BRWD3: variants seen among roughly 807,000 people sequenced by gnomAD.
The protein encoded by BRWD3 is bromodomain and WD repeat domain containing 3, also known as bromodomain and WD repeat-containing protein 3.
In BRWD3, 10 loss-of-function variants were observed where a neutral mutation model predicts 149.7. The ratio of observed to expected loss-of-function variants is 0.07; its 90% CI spans 0.04 to 0.11. The LOEUF (loss-of-function observed/expected upper bound fraction) is 0.11. BRWD3 is among the 10% of genes least tolerant of loss of function. BRWD3 has a pLI of 1.00. For missense variants in BRWD3, 940 were observed against 1,373.2 expected, an observed-to-expected ratio of 0.68 and a Z score of 4.99; for synonymous variants, 504 against 456.7, an observed-to-expected ratio of 1.10 and a Z score of -1.32.
rs2072357536 is a variant in BRWD3, at chrX:80,675,664, G to GT, written c.*944dup. 9.0e-6 allele frequency: 1 copy of GT among 111,616 alleles called. No individual in the cohort carries two copies. Among genetic ancestry groups the GT allele is most frequent in the Non-Finnish European group, 1.9e-5 (1 of 53,057 alleles). The allele number at this position is 111,616 out of a possible 1,213,427, so 9.2% of individuals were successfully genotyped here. On this transcript the variant is annotated 3_prime_UTR_variant, in exon 41 of 41. Transcript: ENST00000373275. ...AATAACAGCATCTATTTTCCTTAAT[G>GT]TTTCCAGTAGTTGTAGTTAAGAGGT...
chrX:80,728,095 C>G (rs1602361744), intron 14 of BRWD3, among the ~76,000 whole-genome samples: 2 of 111,937 alleles, frequency 1.8e-5, no homozygotes. Context: ...ATTCTTATCA[C>G]TTACTATCGT....
chrX:80,757,422 C>T (rs1242893772), intron 6 of BRWD3, among the ~76,000 whole-genome samples: 2 of 112,240 alleles, frequency 1.8e-5, no homozygotes, highest in Non-Finnish European at 3.8e-5. Context: ...GCTGAGATTA[C>T]AGTCAGTTTC....
chrX:80,689,154 T>G (rs2072576830), intron 33 of BRWD3, among the ~76,000 whole-genome samples: 1 of 111,359 alleles, frequency 9.0e-6, no homozygotes, highest in African/African-American at 3.3e-5. Context: ...AATTATCACT[T>G]TCCAATATTG....
chrX:80,743,188 G>A (rs897747369), intron 8 of BRWD3, among the ~76,000 whole-genome samples: 3 of 111,551 alleles, frequency 2.7e-5, no homozygotes, highest in East Asian at 2.8e-4. Context: ...GTTTATATGC[G>A]GGATTATGTT....
At chrX:80,692,858 C>T (rs1204441479) in intron 28 of BRWD3, 82 bp downstream of exon 28, 1 of 740,879 alleles carries the variant, frequency 1.3e-6, no homozygotes, top group African/African-American at 2.1e-5. Context: ...GATAAAAGGG[C>T]ATTACTCCTG....
At chrX:80,693,350 G>T (rs2072637647) in intron 27 of BRWD3, among the ~76,000 whole-genome samples, 2 of 111,642 alleles carry the variant, frequency 1.8e-5, no homozygotes, top group African/African-American at 6.5e-5. Flanking sequence ...ACTTCTTATT[G>T]TATTACATAT....
intron 7 of BRWD3, 102 bp downstream of exon 7, chrX:80,745,466 CA>C: frequency 5.0e-6 from 4 of 801,598 alleles, no homozygotes; most frequent in Non-Finnish European, 7.2e-6. Context: ...CCCATATATC[CA>C]AAAAAAGTGA....
rs149370074 is a variant in BRWD3 at position 80,686,993 on chromosome X, C to T, written c.3875G>A (p.Arg1292Gln). 167 of 1,206,144 alleles carry T rather than the reference C, an allele frequency of 1.4e-4. No individual in the cohort carries two copies. The highest frequency in any genetic ancestry group is 1.8e-4 in the Non-Finnish European group (161 of 893,138). ...GTSSGRKVKC[R>Q]GRRQSLKCNP... ...ACACTTTAAAGACTGTCTTCTGCCTCGGCATTTGACCTACAGATTTTAATA... is the reference window on the plus strand; with the variant it reads ...ACACTTTAAAGACTGTCTTCTGCCTTGGCATTTGACCTACAGATTTTAATA... The change falls in exon 35 of 41, where the codon CGA becomes CAA. Residue 1292 changes from arginine to glutamine, a missense_variant. Around this residue, in one of 6 missense-constraint regions of BRWD3, gnomAD observed 349 missense variants for 419.6 expected, o/e 0.83. Coordinates refer to ENST00000373275, the MANE Select transcript of BRWD3 (RefSeq NM_153252.5).
intron 6 of BRWD3, among the ~76,000 whole-genome samples, chrX:80,749,572 G>A (rs2073638766): frequency 9.0e-6 from 1 of 111,039 alleles, no homozygotes; most frequent in African/African-American, 3.3e-5. Context: ...GTCTATGGGT[G>A]TCCTTAGAGA....
intron 8 of BRWD3, among the ~76,000 whole-genome samples, chrX:80,742,391 T>C (rs1343022505): frequency 1.2e-5 from 1 of 80,045 alleles, no homozygotes; most frequent in African/African-American, 6.5e-5. Flanking sequence ...CTTGGCAATG[T>C]GGGCTCTTTT....
chrX:80,703,853 C>T (rs778719840), intron 23 of BRWD3, among the ~76,000 whole-genome samples: 3 of 111,720 alleles, frequency 2.7e-5, no homozygotes, highest in Non-Finnish European at 3.8e-5. Context: ...CTTTTACATA[C>T]GTCCCTTGAC....
At chrX:80,738,817 A>C (rs1340189316) in intron 8 of BRWD3, among the ~76,000 whole-genome samples, 1 of 111,872 alleles carries the variant, frequency 8.9e-6, no homozygotes, top group Admixed American at 9.5e-5. Context: ...TAGAATGTTC[A>C]AGAAAAGCAA....
At chrX:80,705,648 A>G (rs1040072193) in intron 22 of BRWD3, among the ~76,000 whole-genome samples, 14 of 112,123 alleles carry the variant, frequency 1.2e-4, no homozygotes, top group African/African-American at 3.9e-4. Flanking sequence ...CTATATAGGT[A>G]GAACCTAATG....
Position 80,808,993 on chromosome X carries a change from T to C in BRWD3, c.120+20A>G. ...AGTCTCACCTCAACCCTCCCCACCCTTCCCGAAGGGGCTCCGTACCTGATG... is the reference window on the plus strand; with the variant it reads ...AGTCTCACCTCAACCCTCCCCACCCCTCCCGAAGGGGCTCCGTACCTGATG... On this transcript the variant is annotated intron_variant, in intron 3 of 40. Transcript: ENST00000373275. 8.4e-7 allele frequency: 1 copy of C among 1,193,208 alleles called. No individual in the cohort carries two copies. Among genetic ancestry groups the C allele is most frequent in the Non-Finnish European group, 1.1e-6 (1 of 885,302 alleles).
At chrX:80,726,672 G>A (rs2073253758) in intron 14 of BRWD3, among the ~76,000 whole-genome samples, 1 of 110,043 alleles carries the variant, frequency 9.1e-6, no homozygotes, top group Admixed American at 9.8e-5. Flanking sequence ...AAAAAAAATA[G>A]AATAGAGTAT....
intron 6 of BRWD3, among the ~76,000 whole-genome samples, chrX:80,756,379 G>A (rs1188699364): frequency 1.9e-5 from 2 of 107,640 alleles, no homozygotes; most frequent in Non-Finnish European, 3.8e-5. Flanking sequence ...GTGCATGCCT[G>A]TAATCCCAGC....
chrX:80,795,842 G>T (rs757738555), intron 4 of BRWD3, among the ~76,000 whole-genome samples: 2 of 110,975 alleles, frequency 1.8e-5, no homozygotes, highest in South Asian at 7.6e-4. Flanking sequence ...GCAGTGGGAG[G>T]ATTGCTTGAG....
Position 80,696,694 on chromosome X carries a change from T to G in BRWD3, c.3068+45A>C, listed in dbSNP as rs766905886. 3 of 1,193,288 alleles carry G rather than the reference T, an allele frequency of 2.5e-6. No individual in the cohort carries two copies. The Admixed American group carries it at 6.5e-5, about 26-fold the overall frequency. ...TGTACTCTAAAATATACAATAGGTA[T>G]TAAAATACACACACTCAAACAGAGA... On this transcript the variant is annotated intron_variant, in intron 26 of 40. Transcript: ENST00000373275.
At chrX:80,677,448 C>A in intron 40 of BRWD3, 85 bp from the exon 41 acceptor site, 1 of 1,096,581 alleles carries the variant, frequency 9.1e-7, no homozygotes, top group African/African-American at 1.9e-5. Context: ...CTACAGTTCC[C>A]AAAAATATGT....
Sources: allele counts gnomAD v4.1 joint callset (sites outside exome capture counted in the v4.1 genomes callset), GRCh38; gene constraint gnomAD v4.1.1; regional missense constraint gnomAD v4.1.1; transcripts MANE v1.5; gene names NCBI Gene and HGNC (gene_info 2026-07-23, HGNC 2026-07-21).